Variants in G2E3 observed in about 807,000 individuals in gnomAD.
G2E3 encodes G2/M-phase specific E3 ubiquitin protein ligase, also known as G2/M phase-specific E3 ubiquitin-protein ligase.
Under a neutral mutation model 92.8 loss-of-function variants are expected in G2E3, and 35 were observed. That is an observed-to-expected ratio of 0.38 (90% CI 0.29 to 0.50). The LOEUF (loss-of-function observed/expected upper bound fraction) is 0.50, where lower values mean the gene tolerates loss of function less well. Among genes scored for constraint, G2E3 ranks in the 20% least tolerant of loss-of-function variants. The pLI is 0.94. For synonymous variants in G2E3, 242 were observed against 272.4 expected (o/e 0.89, Z 1.10); for missense variants, 554 against 823.8 (o/e 0.67, Z 4.01).
intron 1 of G2E3, among the ~76,000 whole-genome samples, chr14:30,565,631 T>C (rs1273681611): frequency 6.7e-6 from 1 of 149,240 alleles, no homozygotes; most frequent in East Asian, 1.9e-4. Flanking sequence ...GCGTGTGAGG[T>C]AGGGGTTCAA....
intron 3 of G2E3, among the ~76,000 whole-genome samples, chr14:30,588,545 AG>A (rs1310979483): frequency 6.6e-6 from 1 of 152,184 alleles, no homozygotes; most frequent in Non-Finnish European, 1.5e-5. Context: ...TTAAAAAAAA[AG>A]TACTGACCCC....
chr14:30,614,248 G>A lies in G2E3; in HGVS notation c.1674-1101G>A, dbSNP rs867591069. Among the ~76,000 whole-genome samples, 4 of 152,048 alleles carry A rather than the reference G, an allele frequency of 2.6e-5. No individual in the cohort carries two copies. In the South Asian group the frequency reaches 8.3e-4, roughly 32 times the overall value. ...TTAATGATAACAGATAAACATGTGT[G>A]TTCTTAGCTCATTTTATGCTGCTAT... On this transcript the variant is annotated intron_variant, in intron 13 of 14. Transcript: ENST00000206595.
At chr14:30,588,782 C>G (rs1374375871) in intron 3 of G2E3, among the ~76,000 whole-genome samples, 1 of 152,164 alleles carries the variant, frequency 6.6e-6, no homozygotes, top group Middle Eastern at 3.2e-3. Flanking sequence ...TACACTTTCT[C>G]TGATTCAGGC....
At chr14:30,586,280 A>G (rs1207983799) in intron 2 of G2E3, among the ~76,000 whole-genome samples, 1 of 152,120 alleles carries the variant, frequency 6.6e-6, no homozygotes, top group Non-Finnish European at 1.5e-5. Flanking sequence ...ACCACTGCCC[A>G]GCTGGGCAGT....
intron 1 of G2E3, among the ~76,000 whole-genome samples, chr14:30,576,296 C>T (rs1426331546): frequency 6.6e-6 from 1 of 152,172 alleles, no homozygotes; most frequent in Non-Finnish European, 1.5e-5. Flanking sequence ...TTAAATGGTG[C>T]TGGGATATCT....
chr14:30,561,238 G>A (rs953474656), intron 1 of G2E3, among the ~76,000 whole-genome samples: 2 of 152,172 alleles, frequency 1.3e-5, no homozygotes, highest in African/African-American at 4.8e-5. Flanking sequence ...TAAGAAAACA[G>A]GCTAAGAGGG....
intron 12 of G2E3, chr14:30,611,994 G>T: frequency 2.3e-6 from 1 of 437,520 alleles, no homozygotes; most frequent in Non-Finnish European, 4.1e-6. Context: ...GTAGTAAAGT[G>T]GCATTATACT....
chr14:30,566,239 G>C (rs991361344), intron 1 of G2E3, among the ~76,000 whole-genome samples: 1 of 152,086 alleles, frequency 6.6e-6, no homozygotes, highest in Non-Finnish European at 1.5e-5. Flanking sequence ...GACTATTCAG[G>C]ATCCCTTGCA....
intron 1 of G2E3, chr14:30,560,395 C>G (rs576728293): frequency 5.2e-5 from 9 of 172,236 alleles, no homozygotes; most frequent in Non-Finnish European, 1.1e-4. Flanking sequence ...TCATAATAAT[C>G]AGAATAAAAA....
chr14:30,590,676 A>G, intron 4 of G2E3: 1 of 455,910 alleles, frequency 2.2e-6, no homozygotes, highest in Non-Finnish European at 4.4e-6. Context: ...TAGGAGAGTT[A>G]ATGGTAAAAA....
chr14:30,603,728 C>T (rs949760885), intron 10 of G2E3, among the ~76,000 whole-genome samples: 7 of 152,142 alleles, frequency 4.6e-5, no homozygotes, highest in Non-Finnish European at 8.8e-5. Context: ...ACCTGTAGTC[C>T]TAGCTAGGCA....
Position 30,605,638 on chromosome 14 carries a change from C to A in G2E3, c.1144C>A (p.Arg382=). 2 of 1,606,376 alleles carry A rather than the reference C, an allele frequency of 1.2e-6. No homozygotes were observed. Among genetic ancestry groups the A allele is most frequent in the South Asian group, 1.1e-5 (1 of 90,538 alleles). The change falls in exon 11 of 15, where the codon CGA becomes AGA. Residue 382 remains arginine (R), a synonymous_variant. Transcript: ENST00000206595. ...WNSALDAFRN[R]NFNPSYAIEV... ...TAGTGCCTTAGATGCATTCAGAAAT[C>A]GAAACTTTAATCCTTCATATGCAAT...
chr14:30,594,698 A>G (rs1246416520), intron 6 of G2E3, among the ~76,000 whole-genome samples: 5 of 152,130 alleles, frequency 3.3e-5, no homozygotes, highest in Admixed American at 1.3e-4. Flanking sequence ...ATCTCAAAAA[A>G]AAAAAGATGT....
At position 30,593,493 on chromosome 14, in the gene G2E3, C is replaced by A. The variant is rs778682128; in HGVS notation, c.382C>A (p.Arg128=). Residue 128 remains arginine, a synonymous_variant, in exon 6 of 15, where the codon CGA becomes AGA. Coordinates refer to ENST00000206595, the MANE Select transcript of G2E3 (RefSeq NM_017769.5). ...TTTTAGGTCATTTTGTTGGGACCAT[C>A]GACCTGTTCAAATAATTACATCTAA... ...GNFASFCWDH[R]PVQIITSNNY... The A allele has an allele frequency of 6.5e-6, 10 of 1,544,644 alleles. No individual in the cohort carries two copies. The Admixed American group carries it at 1.1e-4, about 17-fold the overall frequency.
chr14:30,572,017 A>G (rs1879795576), intron 1 of G2E3, among the ~76,000 whole-genome samples: 1 of 150,688 alleles, frequency 6.6e-6, no homozygotes, highest in South Asian at 2.1e-4. Context: ...TATTACGCCC[A>G]TGAGCATTGT....
intron 1 of G2E3, chr14:30,560,521 A>G (rs753679051): frequency 1.1e-4 from 48 of 429,624 alleles, no homozygotes; most frequent in Non-Finnish European, 1.6e-4. Flanking sequence ...TAGTTAAAAT[A>G]TGAGCATTTT....
rs769526214 is a variant in G2E3 at position 30,602,062 on chromosome 14, G to T, written c.941G>T (p.Cys314Phe). The change falls in exon 10 of 15, where the codon TGT becomes TTT. Residue 314 changes from cysteine (C) to phenylalanine (F), a missense_variant. Cys to Phe is a radical substitution (Grantham distance 205). Around this residue, in one of 3 missense-constraint regions of G2E3, gnomAD observed 397 missense variants for 560.3 expected, o/e 0.71. Coordinates refer to ENST00000206595, the MANE Select transcript of G2E3 (RefSeq NM_017769.5). ...TCTAATAATGTGGGGATTACAGATT[G>T]TTTGTTGGAAGAGTCATCACCTAAA... Reference protein sequence around the residue: ...PNSNNVGITDCLLEESSPKLP... With the variant: ...PNSNNVGITDFLLEESSPKLP... The T allele has an allele frequency of 2.5e-6, 4 of 1,611,354 alleles. No individual in the cohort carries two copies. The East Asian group carries it at 8.9e-5, about 36-fold the overall frequency.
chr14:30,576,709 G>A (rs1422704767), intron 1 of G2E3, among the ~76,000 whole-genome samples: 1 of 152,100 alleles, frequency 6.6e-6, no homozygotes, highest in Non-Finnish European at 1.5e-5. Context: ...CAACATTTCT[G>A]AGTTGTAAAA....
intron 1 of G2E3, among the ~76,000 whole-genome samples, chr14:30,567,385 T>C (rs889180010): frequency 6.6e-6 from 1 of 152,208 alleles, no homozygotes; most frequent in African/African-American, 2.4e-5. Flanking sequence ...CTTGTCACTT[T>C]TGTTATTTGT....
Sources: gnomAD v4.1 joint callset for allele counts (sites outside exome capture counted in the v4.1 genomes callset) on GRCh38, gnomAD v4.1.1 for gene constraint, gnomAD v4.1.1 regional missense constraint, MANE v1.5 for transcripts, NCBI Gene and HGNC (gene_info 2026-07-23, HGNC 2026-07-21) for gene names.